METTL25: variants seen among roughly 807,000 people sequenced by gnomAD.
METTL25 encodes the protein methyltransferase like 25, also known as probable methyltransferase-like protein 25.
In METTL25, 64 loss-of-function variants were observed where a neutral mutation model predicts 71.6. The ratio of observed to expected loss-of-function variants is 0.89; its 90% CI spans 0.73 to 1.10. The LOEUF (loss-of-function observed/expected upper bound fraction) is 1.10, where lower values mean the gene tolerates loss of function less well. METTL25 is among the 50% of genes least tolerant of loss of function. The pLI, the probability that METTL25 is intolerant of heterozygous loss-of-function variation, is 0.00. For missense variants in METTL25, 807 were observed against 707.0 expected (o/e 1.14, Z -1.60); for synonymous variants, 287 against 250.3 (o/e 1.15, Z -1.38).
At chr12:82,399,948 C>A (rs200873522) in intron 4 of METTL25, among the ~76,000 whole-genome samples, 82 of 142,024 alleles carry the variant, frequency 5.8e-4, no homozygotes, top group Admixed American at 6.3e-4. Context: ...CTCATTGTCT[C>A]AAAAAAAAAA....
intron 3 of METTL25, among the ~76,000 whole-genome samples, chr12:82,395,225 G>A (rs1218290724): frequency 6.6e-6 from 1 of 152,058 alleles, no homozygotes; most frequent in Non-Finnish European, 1.5e-5. Context: ...TCCTATCTGA[G>A]CAGGAGCATC....
At chr12:82,464,290 G>A (rs1423845313) in intron 9 of METTL25, among the ~76,000 whole-genome samples, 1 of 151,670 alleles carries the variant, frequency 6.6e-6, no homozygotes, top group Non-Finnish European at 1.5e-5. Flanking sequence ...TTTTTGTATA[G>A]GATGAGAGGT....
intron 1 of METTL25, among the ~76,000 whole-genome samples, chr12:82,366,248 T>G (rs1041081255): frequency 1.3e-5 from 2 of 152,250 alleles, no homozygotes; most frequent in African/African-American, 4.8e-5. Flanking sequence ...CAACATCTTA[T>G]AATGTTATTT....
chr12:82,401,965 T>C (rs528515018), intron 4 of METTL25, among the ~76,000 whole-genome samples: 1 of 151,966 alleles, frequency 6.6e-6, no homozygotes, highest in Non-Finnish European at 1.5e-5. Flanking sequence ...TACAAGTTTC[T>C]TTTTACTCCT....
At chr12:82,364,997 A>G (rs1021054436) in intron 1 of METTL25, among the ~76,000 whole-genome samples, 2 of 152,206 alleles carry the variant, frequency 1.3e-5, no homozygotes, top group Non-Finnish European at 2.9e-5. Context: ...AAATTAAATG[A>G]TTCTATTTTT....
At chr12:82,438,887 A>G in intron 8 of METTL25, 96 bp downstream of exon 8, 1 of 1,161,752 alleles carries the variant, frequency 8.6e-7, no homozygotes. Context: ...CACTGTTATT[A>G]GTAGAAGCAA....
At chr12:82,450,864 A>T (rs1007166995) in intron 8 of METTL25, among the ~76,000 whole-genome samples, 5 of 152,094 alleles carry the variant, frequency 3.3e-5, no homozygotes, top group African/African-American at 1.2e-4. Flanking sequence ...CAGGTCTTTT[A>T]TTCAAAATTA....
intron 5 of METTL25, among the ~76,000 whole-genome samples, chr12:82,403,362 T>G (rs1169548190): frequency 2.6e-5 from 4 of 152,220 alleles, no homozygotes; most frequent in Non-Finnish European, 1.5e-5. Flanking sequence ...TAATGAGTGC[T>G]GAAGCCTTTG....
At chr12:82,430,750 G>A (rs1889414846) in intron 5 of METTL25, 143 bp from the exon 6 acceptor site, 3 of 504,484 alleles carry the variant, frequency 5.9e-6, no homozygotes, top group Non-Finnish European at 1.1e-5. Flanking sequence ...AAACTGGAAG[G>A]AACTGTTAAA....
intron 9 of METTL25, chr12:82,474,557 G>A (rs923419790): frequency 1.3e-5 from 2 of 152,014 alleles, no homozygotes; most frequent in African/African-American, 4.8e-5. Context: ...AGTTAGAGAA[G>A]GCCAGCTGTA....
chr12:82,445,448 CTTA>C (rs780071313), intron 8 of METTL25, among the ~76,000 whole-genome samples: 2 of 151,876 alleles, frequency 1.3e-5, no homozygotes, highest in African/African-American at 2.4e-5. Context: ...ATAGCCACCT[CTTA>C]TTAGCATTGT....
At chr12:82,358,906 A>T in intron 1 of METTL25, 82 bp downstream of exon 1, 1 of 1,509,796 alleles carries the variant, frequency 6.6e-7, no homozygotes, top group Non-Finnish European at 9.0e-7. Context: ...GGTGGAAGCC[A>T]GCAGAACCAG....
chr12:82,456,856 C>T, intron 9 of METTL25, 36 bp downstream of exon 9: 2 of 986,460 alleles, frequency 2.0e-6, no homozygotes, highest in Non-Finnish European at 2.9e-6. Context: ...TCAGAAAAGA[C>T]AGAAGAACTT....
chr12:82,386,457 C>CCCTT (rs1214335317), intron 1 of METTL25, among the ~76,000 whole-genome samples: 1 of 122,056 alleles, frequency 8.2e-6, no homozygotes, highest in African/African-American at 3.1e-5. Context: ...CTCCCTCCCT[C>CCCTT]TCTCTCTCCC....
intron 1 of METTL25, among the ~76,000 whole-genome samples, chr12:82,366,289 CA>C (rs1409713623): frequency 1.3e-5 from 2 of 152,140 alleles, no homozygotes; most frequent in Admixed American, 6.5e-5. Flanking sequence ...AATGAACTCT[CA>C]GGAATTCCAG....
intron 1 of METTL25, among the ~76,000 whole-genome samples, chr12:82,383,184 T>C (rs947769524): frequency 1.3e-5 from 2 of 152,072 alleles, no homozygotes; most frequent in Non-Finnish European, 1.5e-5. Context: ...AATGCTTTTC[T>C]TTCTTTTTGA....
At chr12:82,440,433 C>A (rs900423057) in intron 8 of METTL25, among the ~76,000 whole-genome samples, 14 of 152,134 alleles carry the variant, frequency 9.2e-5, no homozygotes, top group African/African-American at 3.4e-4. Flanking sequence ...TTTCTCTTGA[C>A]TTCTAATAAA....
At chr12:82,389,061 T>C (rs1366405536) in intron 2 of METTL25, among the ~76,000 whole-genome samples, 1 of 152,060 alleles carries the variant, frequency 6.6e-6, no homozygotes, top group Non-Finnish European at 1.5e-5. Flanking sequence ...TACATTTCAG[T>C]TCCCTACCAC....
At chr12:82,467,778 T>C (rs1358355444) in intron 9 of METTL25, among the ~76,000 whole-genome samples, 2 of 152,052 alleles carry the variant, frequency 1.3e-5, no homozygotes, top group Non-Finnish European at 2.9e-5. Flanking sequence ...CCTGTTTGGG[T>C]TTAATCTATT....
Sources: allele counts gnomAD v4.1 joint callset (sites outside exome capture counted in the v4.1 genomes callset), GRCh38; gene constraint gnomAD v4.1.1; transcripts MANE v1.5; gene names NCBI Gene and HGNC (gene_info 2026-07-23, HGNC 2026-07-21).